Variants in DUSP16 observed in about 807,000 individuals in gnomAD.
DUSP16 encodes the protein dual specificity protein phosphatase 16.
In DUSP16, 21 loss-of-function variants were observed where a neutral mutation model predicts 58.3. That is an observed-to-expected ratio of 0.36 (90% CI 0.26 to 0.52). The LOEUF is 0.52. DUSP16 is among the 20% of genes least tolerant of loss of function. The pLI is 0.94. For missense variants in DUSP16, 726 were observed against 819.0 expected (o/e 0.89, Z 1.39); for synonymous variants, 320 against 323.8 (o/e 0.99, Z 0.12).
intron 3 of DUSP16, 96 bp downstream of exon 3, chr12:12,519,766 T>G (rs1389831148): frequency 8.0e-6 from 10 of 1,243,032 alleles, no homozygotes; most frequent in Non-Finnish European, 1.1e-5. Context: ...CACAGCAAAG[T>G]TGGGATGATC....
At chr12:12,514,606 GA>G (rs1264760894) in intron 3 of DUSP16, among the ~76,000 whole-genome samples, 1 of 152,058 alleles carries the variant, frequency 6.6e-6, no homozygotes, top group African/African-American at 2.4e-5. Context: ...GAAAAAACAA[GA>G]ACAGGCCCGG....
intron 1 of DUSP16, among the ~76,000 whole-genome samples, chr12:12,531,929 C>A (rs988562796): frequency 6.6e-5 from 10 of 151,638 alleles, no homozygotes; most frequent in African/African-American, 2.2e-4. Flanking sequence ...GAGGCCGAGG[C>A]GGGTGGATCA....
intron 3 of DUSP16, among the ~76,000 whole-genome samples, chr12:12,510,152 A>C (rs542996253): frequency 6.6e-6 from 1 of 152,176 alleles, no homozygotes. Context: ...TGGCTCAGGG[A>C]ATCAGGGCAC....
At chr12:12,506,571 T>G (rs537823359) in intron 3 of DUSP16, among the ~76,000 whole-genome samples, 27 of 152,366 alleles carry the variant, frequency 1.8e-4, no homozygotes, top group African/African-American at 6.0e-4. Flanking sequence ...GTTTATCATC[T>G]GGGAATGCAG....
At chr12:12,542,870 G>T (rs1206317719) in intron 1 of DUSP16, among the ~76,000 whole-genome samples, 1 of 152,054 alleles carries the variant, frequency 6.6e-6, no homozygotes, top group African/African-American at 2.4e-5. Context: ...TGAAACTGGG[G>T]CCTTTAGAGG....
chr12:12,502,972 G>A (rs921777179), intron 3 of DUSP16, among the ~76,000 whole-genome samples: 1 of 152,130 alleles, frequency 6.6e-6, no homozygotes, highest in Non-Finnish European at 1.5e-5. Flanking sequence ...ATGTGGGCAA[G>A]CCCCATGATC....
Position 12,521,129 on chromosome 12 carries a change from T to G in DUSP16, c.-31A>C, listed in dbSNP as rs1944230396. 1 of 1,605,514 alleles carries G rather than the reference T, an allele frequency of 6.2e-7. No individual in the cohort carries two copies. The highest frequency in any genetic ancestry group is 2.2e-5 in the East Asian group (1 of 44,526). ...CAATAAGTCCTCTTTTCCCACCTCC[T>G]TCTTTAATTTGCCACGATGATGTAA... On this transcript the variant is annotated 5_prime_UTR_variant, in exon 2 of 7. Coordinates refer to ENST00000298573, the MANE Select transcript of DUSP16 (RefSeq NM_030640.3).
chr12:12,531,134 C>A (rs1429698250), intron 1 of DUSP16, among the ~76,000 whole-genome samples: 1 of 152,032 alleles, frequency 6.6e-6, no homozygotes, highest in Non-Finnish European at 1.5e-5. Flanking sequence ...GGTATTAAGA[C>A]CAGAGTAAAC....
intron 1 of DUSP16, among the ~76,000 whole-genome samples, chr12:12,548,165 C>A (rs1944674581): frequency 6.6e-6 from 1 of 151,422 alleles, no homozygotes; most frequent in Non-Finnish European, 1.5e-5. Flanking sequence ...AACTCAACAA[C>A]AAAAAACTCA....
Position 12,520,889 on chromosome 12 carries a change from C to T in DUSP16, c.210G>A (p.Gln70=). Reference sequence around the variant, plus strand: ...CGTTTACCTTATGTTTCGCTGAATGCTGGATGAGCTCTGTAATTAACACTT... The same window carrying T: ...CGTTTACCTTATGTTTCGCTGAATGTTGGATGAGCTCTGTAATTAACACTT... ...QDKVLITELI[Q]HSAKHKVDID... The change falls in exon 2 of 7, where the codon CAG becomes CAA. Residue 70 remains glutamine (Q), a synonymous_variant. Coordinates refer to ENST00000298573, the MANE Select transcript of DUSP16 (RefSeq NM_030640.3). 1 of 1,614,188 alleles carries T rather than the reference C, an allele frequency of 6.2e-7. No homozygotes were observed. The highest frequency in any genetic ancestry group is 8.5e-7 in the Non-Finnish European group (1 of 1,180,026).
At chr12:12,517,888 C>CA (rs1944177762) in intron 3 of DUSP16, among the ~76,000 whole-genome samples, 1 of 152,228 alleles carries the variant, frequency 6.6e-6, no homozygotes, top group South Asian at 2.1e-4. Flanking sequence ...TGTTCTGACT[C>CA]AGTGTGTCAC....
chr12:12,537,311 A>G (rs2136247698), intron 1 of DUSP16, among the ~76,000 whole-genome samples: 1 of 152,340 alleles, frequency 6.6e-6, no homozygotes, highest in Non-Finnish European at 1.5e-5. Flanking sequence ...TAGTGTGAGC[A>G]AATTTTTAAA....
intron 6 of DUSP16, among the ~76,000 whole-genome samples, chr12:12,479,199 C>A (rs535033802): frequency 5.3e-5 from 8 of 152,116 alleles, no homozygotes; most frequent in Non-Finnish European, 1.5e-5. Context: ...TCTTCAGCGG[C>A]CCCTGCACCT....
Position 12,476,611 on chromosome 12 carries a change from A to G in DUSP16, c.*222T>C. The G allele has an allele frequency of 4.2e-6, 2 of 475,892 alleles. No individual in the cohort carries two copies. Among genetic ancestry groups the G allele is most frequent in the South Asian group, 7.5e-5 (2 of 26,784 alleles). 29.5% of individuals were successfully genotyped at this position (475,892 alleles called of 1,614,324 possible). A position where few individuals can be genotyped will look rare whatever the true frequency, so the allele number is the denominator to read the frequency against. ...TTTTCCTCCGTCTAGGGGGGATTCTAGCATCTGCCCTTCCATTTTTGTTGA... is the reference window on the plus strand; with the variant it reads ...TTTTCCTCCGTCTAGGGGGGATTCTGGCATCTGCCCTTCCATTTTTGTTGA... On this transcript the variant is annotated 3_prime_UTR_variant, in exon 7 of 7. Transcript: ENST00000298573.
Position 12,477,459 on chromosome 12 carries a change from T to C in DUSP16, c.1372A>G (p.Thr458Ala), listed in dbSNP as rs779596961. 1.2e-6 allele frequency: 2 copies of C among 1,600,790 alleles called. No homozygotes were observed. Among genetic ancestry groups the C allele is most frequent in the South Asian group, 1.1e-5 (1 of 88,742 alleles). The part of the protein sequence containing the change: ...VQELSEQTPE[T>A]SPDKEEASIP... ...CTGGCTTCCTCCTTATCAGGACTGG[T>C]TTCGGGAGTCTGCTCCGATAGTTCC... Residue 458 changes from threonine (T) to alanine (A), a missense_variant, in exon 7 of 7, where the codon ACC becomes GCC. Coordinates refer to ENST00000298573, the MANE Select transcript of DUSP16 (RefSeq NM_030640.3). The surrounding 1 kb of genome is among the most constrained non-coding windows in gnomAD (Gnocchi z 4.1).
chr12:12,560,047 C>T (rs761466324), intron 1 of DUSP16, among the ~76,000 whole-genome samples: 16 of 152,128 alleles, frequency 1.1e-4, no homozygotes, highest in Non-Finnish European at 2.4e-4. Flanking sequence ...TTTATAGGTA[C>T]ACACTTACAA....
chr12:12,504,803 G>A (rs1234015657), intron 3 of DUSP16, among the ~76,000 whole-genome samples: 1 of 151,924 alleles, frequency 6.6e-6, no homozygotes, highest in Non-Finnish European at 1.5e-5. Flanking sequence ...TTTGAGCCCA[G>A]GAGGTTGATG....
chr12:12,543,973 C>T (rs1443504727), intron 1 of DUSP16, among the ~76,000 whole-genome samples: 1 of 151,680 alleles, frequency 6.6e-6, no homozygotes. Flanking sequence ...TAACTCAAAG[C>T]ATTTAAAAAT....
chr12:12,474,785 T>G lies in DUSP16; in HGVS notation c.*2048A>C. 6.6e-6 allele frequency: 1 copy of G among 152,258 alleles called. No homozygotes were observed. The highest frequency in any genetic ancestry group is 1.9e-4 in the East Asian group (1 of 5,206). The allele number at this position is 152,258 out of a possible 1,614,324, so 9.4% of individuals were successfully genotyped here. ...ACTGCTTTCCTTTCTTAAACATGTT[T>G]TGGGCATGACCACACTCTGGAAGTG... On this transcript the variant is annotated 3_prime_UTR_variant, in exon 7 of 7. Coordinates refer to ENST00000298573, the MANE Select transcript of DUSP16 (RefSeq NM_030640.3).
Sources: gnomAD v4.1 joint callset for allele counts (sites outside exome capture counted in the v4.1 genomes callset) on GRCh38, gnomAD v4.1.1 for gene constraint, Gnocchi (gnomAD v3.1) non-coding constraint, MANE v1.5 for transcripts, NCBI Gene and HGNC (gene_info 2026-07-23, HGNC 2026-07-21) for gene names.